The following CHCHD6 variants were observed in gnomAD, a reference collection of about 807,000 sequenced individuals.
The protein encoded by CHCHD6 is MICOS complex subunit MIC25.
CHCHD6 carries 28 observed loss-of-function variants against 32.3 expected under a neutral mutation model. The observed-to-expected ratio is 0.87, with a 90% confidence interval of 0.64 to 1.19. The LOEUF is 1.19. CHCHD6 is among the 50% of genes most tolerant of loss of function. CHCHD6 has a pLI of 0.00. For synonymous variants in CHCHD6, 122 were observed against 117.5 expected (o/e 1.04, Z -0.25); for missense variants, 333 against 307.0 (o/e 1.08, Z -0.63).
chr3:126,730,775 T>C, intron 3 of CHCHD6, 145 bp downstream of exon 3: 3 of 622,910 alleles, frequency 4.8e-6, no homozygotes, highest in Non-Finnish European at 5.6e-6. Flanking sequence ...AACCCTATGG[T>C]ATAGGTATCA....
chr3:126,809,144 T>C (rs915466638), intron 4 of CHCHD6, among the ~76,000 whole-genome samples: 1 of 152,100 alleles, frequency 6.6e-6, no homozygotes, highest in Non-Finnish European at 1.5e-5. Flanking sequence ...GCTAATTTTT[T>C]TGTATTTTTA....
chr3:126,815,656 C>G (rs868302942), intron 4 of CHCHD6, among the ~76,000 whole-genome samples: 1 of 117,318 alleles, frequency 8.5e-6, no homozygotes, highest in African/African-American at 2.9e-5. Flanking sequence ...CCCCCCCCCC[C>G]ATCTGTGTCC....
At chr3:126,783,394 C>T (rs948933346) in intron 4 of CHCHD6, among the ~76,000 whole-genome samples, 2 of 152,210 alleles carry the variant, frequency 1.3e-5, no homozygotes, top group African/African-American at 2.4e-5. Flanking sequence ...AGATCAGAAA[C>T]AAGGGTGCCC....
intron 5 of CHCHD6, among the ~76,000 whole-genome samples, chr3:126,885,494 T>C (rs1229400892): frequency 6.6e-6 from 1 of 152,236 alleles, no homozygotes; most frequent in Admixed American, 6.5e-5. Context: ...AAATTAATTT[T>C]AAAACATGCA....
chr3:126,777,899 G>T (rs982720842), intron 4 of CHCHD6, among the ~76,000 whole-genome samples: 4 of 152,120 alleles, frequency 2.6e-5, no homozygotes, highest in Admixed American at 1.3e-4. Flanking sequence ...ACTCCCAAAA[G>T]AAACTCTCTA....
At chr3:126,943,141 C>G (rs2078585369) in intron 6 of CHCHD6, among the ~76,000 whole-genome samples, 1 of 152,176 alleles carries the variant, frequency 6.6e-6, no homozygotes, top group Non-Finnish European at 1.5e-5. Context: ...TGCCACGTCC[C>G]CTCCTGGACC....
chr3:126,815,556 C>T (rs147106010), intron 4 of CHCHD6, among the ~76,000 whole-genome samples: 2 of 152,176 alleles, frequency 1.3e-5, no homozygotes, highest in Non-Finnish European at 2.9e-5. Flanking sequence ...TTCTCTCAAC[C>T]TTGCGTTTTC....
intron 6 of CHCHD6, among the ~76,000 whole-genome samples, chr3:126,920,010 A>T (rs1393134037): frequency 6.6e-6 from 1 of 151,910 alleles, no homozygotes; most frequent in Non-Finnish European, 1.5e-5. Flanking sequence ...CTAAGGTTAT[A>T]TGTATTACTG....
At chr3:126,760,074 A>G (rs1937106247) in intron 4 of CHCHD6, among the ~76,000 whole-genome samples, 1 of 152,202 alleles carries the variant, frequency 6.6e-6, no homozygotes, top group Non-Finnish European at 1.5e-5. Flanking sequence ...GACAGCACCA[A>G]GCCATGAAGG....
At chr3:126,736,219 C>G (rs1167786727) in intron 4 of CHCHD6, among the ~76,000 whole-genome samples, 1 of 152,208 alleles carries the variant, frequency 6.6e-6, no homozygotes, top group Non-Finnish European at 1.5e-5. Flanking sequence ...CCTGCATCTT[C>G]CGCATGGAAA....
intron 4 of CHCHD6, among the ~76,000 whole-genome samples, chr3:126,840,023 C>T (rs1466426453): frequency 1.3e-5 from 2 of 152,162 alleles, no homozygotes; most frequent in African/African-American, 4.8e-5. Flanking sequence ...ATGTGTTTGC[C>T]TAATCTGGAC....
At chr3:126,743,282 A>G (rs970540437) in intron 4 of CHCHD6, among the ~76,000 whole-genome samples, 1 of 152,136 alleles carries the variant, frequency 6.6e-6, no homozygotes, top group Non-Finnish European at 1.5e-5. Flanking sequence ...AAGAAGCTGG[A>G]AGGACACGTG....
intron 4 of CHCHD6, among the ~76,000 whole-genome samples, chr3:126,750,967 C>G (rs1462220612): frequency 6.6e-6 from 1 of 152,180 alleles, no homozygotes; most frequent in Non-Finnish European, 1.5e-5. Flanking sequence ...CGTGCTGACC[C>G]CAGCACAACA....
At chr3:126,937,561 C>G (rs908188401) in intron 6 of CHCHD6, among the ~76,000 whole-genome samples, 5 of 152,198 alleles carry the variant, frequency 3.3e-5, no homozygotes, top group Admixed American at 2.6e-4. Flanking sequence ...GCTTAAGCCT[C>G]AGGGTCTTCA....
chr3:126,915,266 C>T (rs936007045), intron 6 of CHCHD6, among the ~76,000 whole-genome samples: 1 of 152,248 alleles, frequency 6.6e-6, no homozygotes, highest in Non-Finnish European at 1.5e-5. Flanking sequence ...CTGGCTTGCT[C>T]AGATCATACA....
At chr3:126,889,138 GGT>G (rs2077718701) in intron 5 of CHCHD6, among the ~76,000 whole-genome samples, 1 of 152,168 alleles carries the variant, frequency 6.6e-6, no homozygotes, top group Non-Finnish European at 1.5e-5. Flanking sequence ...TGAAGGAGGT[GGT>G]GTCGGGGTGG....
intron 5 of CHCHD6, among the ~76,000 whole-genome samples, chr3:126,860,767 C>T (rs570689437): frequency 3.3e-5 from 5 of 152,046 alleles, no homozygotes; most frequent in African/African-American, 7.2e-5. Context: ...TAGAGATTGA[C>T]GACTGCCTTT....
At chr3:126,742,810 A>G (rs558908010) in intron 4 of CHCHD6, among the ~76,000 whole-genome samples, 1 of 152,308 alleles carries the variant, frequency 6.6e-6, no homozygotes, top group East Asian at 1.9e-4. Flanking sequence ...TATGAGAAAT[A>G]AATTCTTTTT....
In CHCHD6 at chr3:126,782,951, A is replaced by G. The variant is rs573281857; in HGVS notation, c.411+49729A>G. On this transcript the variant is annotated intron_variant, in intron 4 of 7. Coordinates refer to ENST00000290913, the MANE Select transcript of CHCHD6 (RefSeq NM_032343.3). ...GGGGTTCAGTATCAATCTTTTGCAT[A>G]TGGCTGGTCAGTTAGTCCAGCACCA... Among the ~76,000 whole-genome samples the G allele has an allele frequency of 1.2e-4, 19 of 152,306 alleles. No homozygotes were observed. The South Asian group carries it at 3.7e-3, about 30-fold the overall frequency.
Sources: allele counts gnomAD v4.1 joint callset (sites outside exome capture counted in the v4.1 genomes callset), GRCh38; gene constraint gnomAD v4.1.1; transcripts MANE v1.5; gene names NCBI Gene and HGNC (gene_info 2026-07-23, HGNC 2026-07-21).